PRMT8: variants seen among roughly 807,000 people sequenced by gnomAD.
The protein encoded by PRMT8 is protein arginine N-methyltransferase 8.
In PRMT8, 7 loss-of-function variants were observed where a neutral mutation model predicts 47.1. The observed-to-expected ratio is 0.15, with a 90% confidence interval of 0.08 to 0.28. PRMT8 has a LOEUF of 0.28. PRMT8 is among the 10% of genes least tolerant of loss of function. The probability of loss-of-function intolerance (pLI) is 1.00; values close to 1 mark genes in which losing one functional copy is unlikely to be tolerated. For missense variants in PRMT8, 237 were observed against 505.4 expected, an observed-to-expected ratio of 0.47 and a Z score of 5.09; for synonymous variants, 188 against 186.5, an observed-to-expected ratio of 1.01 and a Z score of -0.07.
intron 1 of PRMT8, among the ~76,000 whole-genome samples, chr12:3,451,806 C>T (rs1490301591): frequency 1.3e-5 from 2 of 152,222 alleles, no homozygotes; most frequent in African/African-American, 4.8e-5. Flanking sequence ...ACTGCCTTAA[C>T]TGGAGTGTCT....
At chr12:3,439,634 A>G (rs7133579) in intron 1 of PRMT8, among the ~76,000 whole-genome samples, 15,427 of 152,136 alleles carry the variant, frequency 0.1, 1,291 homozygotes, top group African/African-American at 0.23. Flanking sequence ...ACTTTTCAAG[A>G]GTCAGGAGTT....
intron 1 of PRMT8, among the ~76,000 whole-genome samples, chr12:3,539,242 A>G (rs1248392999): frequency 6.6e-6 from 1 of 152,170 alleles, no homozygotes; most frequent in Non-Finnish European, 1.5e-5. Flanking sequence ...AAACTTTTGG[A>G]CAAATTTTTC....
At chr12:3,495,450 C>G (rs1479445039) in intron 1 of PRMT8, among the ~76,000 whole-genome samples, 2 of 152,166 alleles carry the variant, frequency 1.3e-5, no homozygotes, top group Non-Finnish European at 2.9e-5. Flanking sequence ...GTCTTTCCTC[C>G]TTCTTCTCTC....
chr12:3,420,114 C>T (rs1864525960), intron 1 of PRMT8, among the ~76,000 whole-genome samples: 1 of 151,804 alleles, frequency 6.6e-6, no homozygotes, highest in African/African-American at 2.4e-5. Context: ...GAGGAACCCA[C>T]CTCATATGGG....
intron 1 of PRMT8, among the ~76,000 whole-genome samples, chr12:3,455,145 T>A (rs1419559345): frequency 6.6e-6 from 1 of 152,118 alleles, no homozygotes; most frequent in African/African-American, 2.4e-5. Flanking sequence ...ATTAAACTCT[T>A]TCTCTGCTGC....
rs1866102447 is a variant in PRMT8, at chr12:3,535,497, G to A, written c.76-5109G>A. Among the ~76,000 whole-genome samples, 1 of 152,200 alleles carries A rather than the reference G, an allele frequency of 6.6e-6. No individual in the cohort carries two copies. Among genetic ancestry groups the A allele is most frequent in the Non-Finnish European group, 1.5e-5 (1 of 68,044 alleles). The stretch of plus-strand genomic sequence containing the variant: ...GACAACATCGGGAGACCTCCAGCAA[G>A]TAACAGGGCCCTGGGCCTGGGCCTT... On this transcript the variant is annotated intron_variant, in intron 1 of 9. Transcript: ENST00000382622. This position sits in a 1 kb window ranked among gnomAD's most constrained non-coding sequence, Gnocchi z 4.7.
In PRMT8 at chr12:3,454,755, T is replaced by G. The variant is rs572148461; in HGVS notation, c.48+73313T>G. Among the ~76,000 whole-genome samples the G allele has an allele frequency of 2.6e-5, 4 of 152,312 alleles. No individual in the cohort carries two copies. In the East Asian group the frequency reaches 7.7e-4, roughly 29 times the overall value. On this transcript the variant is annotated intron_variant, in intron 1 of 9. Coordinates refer to the PRMT8 transcript ENST00000452611. ...CCGCGGGTCGGCCTGCGCTCCCACCTGCTTCCTCGTGTTGTTTGCTGCCTA... is the reference window on the plus strand; with the variant it reads ...CCGCGGGTCGGCCTGCGCTCCCACCGGCTTCCTCGTGTTGTTTGCTGCCTA...
chr12:3,555,699 G>A (rs1866514837), intron 4 of PRMT8, among the ~76,000 whole-genome samples: 1 of 152,246 alleles, frequency 6.6e-6, no homozygotes, highest in South Asian at 2.1e-4. Flanking sequence ...GCTCCAGTGA[G>A]AGGGGCTGCA....
chr12:3,413,325 G>A (rs1453015285), intron 1 of PRMT8, among the ~76,000 whole-genome samples: 2 of 152,118 alleles, frequency 1.3e-5, no homozygotes, highest in Non-Finnish European at 2.9e-5. Context: ...TTTGTTTTCT[G>A]CCATGATGGT....
chr12:3,477,560 G>A (rs1282847771), intron 1 of PRMT8, among the ~76,000 whole-genome samples: 1 of 152,180 alleles, frequency 6.6e-6, no homozygotes, highest in African/African-American at 2.4e-5. Flanking sequence ...TTCTGATAGA[G>A]ATTTTTAAAA....
intron 1 of PRMT8, among the ~76,000 whole-genome samples, chr12:3,506,950 C>T (rs896059464): frequency 2.0e-5 from 3 of 152,002 alleles, no homozygotes; most frequent in South Asian, 2.1e-4. Context: ...GTCTTCTTGG[C>T]GCTAAATCCT....
intron 1 of PRMT8, among the ~76,000 whole-genome samples, chr12:3,442,971 C>T (rs1864819405): frequency 6.6e-6 from 1 of 152,062 alleles, no homozygotes; most frequent in Admixed American, 6.5e-5. Flanking sequence ...TTGTACTTTT[C>T]TATGTCCATA....
chr12:3,484,967 C>T (rs2137104321), intron 1 of PRMT8, among the ~76,000 whole-genome samples: 1 of 152,252 alleles, frequency 6.6e-6, no homozygotes, highest in East Asian at 1.9e-4. Context: ...GGGTGGCAGG[C>T]TGCTATCAAT....
chr12:3,524,230 G>A (rs559032672), intron 1 of PRMT8, among the ~76,000 whole-genome samples: 2 of 152,094 alleles, frequency 1.3e-5, no homozygotes, highest in South Asian at 2.1e-4. Flanking sequence ...ATTTAAAAAC[G>A]AAAGAATACA....
rs1473910718 is a variant in PRMT8, at chr12:3,414,292, G to A, written c.48+32850G>A. 2.6e-5 allele frequency among the ~76,000 whole-genome samples: 4 copies of A among 152,170 alleles called. No individual in the cohort carries two copies. The East Asian group carries it at 5.8e-4, about 22-fold the overall frequency. On this transcript the variant is annotated intron_variant, in intron 1 of 9. Coordinates refer to the PRMT8 transcript ENST00000452611. ...TGCTGCACTCCCCAAAAGTCTCACC[G>A]CACTTCTGACTCCAGATGTCTGGGT...
chr12:3,476,600 G>A (rs112069625), intron 1 of PRMT8, among the ~76,000 whole-genome samples: 1,632 of 152,162 alleles, frequency 0.011, 32 homozygotes, highest in African/African-American at 0.036. Context: ...AGTTTTGCTC[G>A]TCGCTCTGCA....
intron 1 of PRMT8, among the ~76,000 whole-genome samples, chr12:3,416,775 A>G (rs1864487751): frequency 6.6e-6 from 1 of 152,344 alleles, no homozygotes; most frequent in East Asian, 1.9e-4. Context: ...GAGGAAAGAC[A>G]ATGTCAGGAG....
At chr12:3,385,821 G>A (rs552068787) in intron 1 of PRMT8, among the ~76,000 whole-genome samples, 8 of 152,318 alleles carry the variant, frequency 5.3e-5, no homozygotes, top group African/African-American at 1.4e-4. Context: ...GGCAGCTTTG[G>A]TGTAGGCACA....
chr12:3,492,409 G>C lies in PRMT8; in HGVS notation c.75+709G>C, dbSNP rs112714210. ...AGGGACAGCGTCCGCCCCTGCAGCAGCCGAGCCTGCGCGGACTGTGGGGGC... is the reference window on the plus strand; with the variant it reads ...AGGGACAGCGTCCGCCCCTGCAGCACCCGAGCCTGCGCGGACTGTGGGGGC... On this transcript the variant is annotated intron_variant, in intron 1 of 9. Coordinates refer to ENST00000382622, the MANE Select transcript of PRMT8 (RefSeq NM_019854.5). This position sits in a 1 kb window ranked among gnomAD's most constrained non-coding sequence, Gnocchi z 7.5. Among the ~76,000 whole-genome samples, 1 of 152,208 alleles carries C rather than the reference G, an allele frequency of 6.6e-6. No individual in the cohort carries two copies. Among genetic ancestry groups the C allele is most frequent in the Non-Finnish European group, 1.5e-5 (1 of 68,038 alleles).
Sources: allele counts gnomAD v4.1 joint callset (sites outside exome capture counted in the v4.1 genomes callset), GRCh38; gene constraint gnomAD v4.1.1; non-coding constraint Gnocchi (gnomAD v3.1); transcripts MANE v1.5; gene names NCBI Gene and HGNC (gene_info 2026-07-23, HGNC 2026-07-21).